The following TRAK1 variants were observed in gnomAD, a reference collection of about 807,000 sequenced individuals.
TRAK1 encodes trafficking kinesin protein 1.
In TRAK1, 33 loss-of-function variants were observed where a neutral mutation model predicts 92.1. That is an observed-to-expected ratio of 0.36 (90% CI 0.27 to 0.48). The LOEUF is 0.48. Ranked by LOEUF, TRAK1 falls within the 20% of genes least tolerant of loss-of-function variation. TRAK1 has a pLI of 0.99. For missense variants in TRAK1, 1,123 were observed against 1,257.9 expected (o/e 0.89, Z 1.62); for synonymous variants, 521 against 517.3 (o/e 1.01, Z -0.10).
At chr3:42,108,073 C>T (rs1404336039) in intron 1 of TRAK1, among the ~76,000 whole-genome samples, 1 of 152,110 alleles carries the variant, frequency 6.6e-6, no homozygotes, top group Non-Finnish European at 1.5e-5. Flanking sequence ...CTTGTAGTCT[C>T]ATTTTGCAGC....
rs773021871 is a variant in TRAK1 at position 42,194,920 on chromosome 3, C to G, written c.1092C>G (p.His364Gln). ...CCAATACCACGTCTCGGCGCTACCA[C>G]TCACTGGGCCTGTTTCCCATGGTGA... ...TMPNTTSRRY[H>Q]SLGLFPMDSL... The change falls in exon 10 of 16, where the codon CAC becomes CAG. Residue 364 changes from histidine to glutamine, a missense_variant. By Grantham distance (24) the His-to-Gln change is conservative. Transcript: ENST00000327628. The G allele has an allele frequency of 6.2e-7, 1 of 1,613,874 alleles. No individual in the cohort carries two copies. The highest frequency in any genetic ancestry group is 8.5e-7 in the Non-Finnish European group (1 of 1,179,896).
At chr3:42,170,872 G>A (rs1409022825) in intron 2 of TRAK1, among the ~76,000 whole-genome samples, 31 of 149,366 alleles carry the variant, frequency 2.1e-4, no homozygotes, top group African/African-American at 7.2e-4. Flanking sequence ...CGCCCAGGCT[G>A]GAGTGCAGTG....
chr3:42,097,371 A>G (rs911632931), intron 1 of TRAK1, among the ~76,000 whole-genome samples: 1 of 152,126 alleles, frequency 6.6e-6, no homozygotes, highest in African/African-American at 2.4e-5. Flanking sequence ...AGTGAGTCAT[A>G]GAGGTTGTAT....
chr3:42,092,924 A>G (rs1190337531), intron 1 of TRAK1, among the ~76,000 whole-genome samples: 3 of 152,136 alleles, frequency 2.0e-5, no homozygotes, highest in Admixed American at 6.5e-5. Flanking sequence ...TTAAGCCATA[A>G]AACTTGATGT....
At chr3:42,194,247 C>T (rs542854678) in intron 9 of TRAK1, among the ~76,000 whole-genome samples, 3 of 152,184 alleles carry the variant, frequency 2.0e-5, no homozygotes, top group Admixed American at 6.5e-5. Flanking sequence ...TTTTCTTTCT[C>T]TCTTTTTCTC....
chr3:42,149,765 G>T (rs1699748472), intron 2 of TRAK1, among the ~76,000 whole-genome samples: 1 of 152,120 alleles, frequency 6.6e-6, no homozygotes. Flanking sequence ...TGGAGGAGGT[G>T]GCAGGTGGGC....
At chr3:42,121,857 G>A (rs768732591) in intron 1 of TRAK1, among the ~76,000 whole-genome samples, 5 of 151,238 alleles carry the variant, frequency 3.3e-5, no homozygotes, top group South Asian at 2.1e-4. Flanking sequence ...TCGCTCTGTC[G>A]CCCAGGCTGG....
intron 15 of TRAK1, among the ~76,000 whole-genome samples, chr3:42,221,154 C>G (rs895059819): frequency 3.7e-5 from 4 of 107,184 alleles, no homozygotes; most frequent in African/African-American, 1.5e-4. Flanking sequence ...TTGAAACAAA[C>G]AAAATGGAAA....
chr3:42,188,283 C>A, intron 5 of TRAK1, 138 bp downstream of exon 5: 2 of 724,124 alleles, frequency 2.8e-6, no homozygotes, highest in Admixed American at 2.1e-5. Flanking sequence ...GACCAAACAC[C>A]TCCAAGTGCC....
chr3:42,164,197 A>C (rs576676383), intron 2 of TRAK1, among the ~76,000 whole-genome samples: 176 of 152,332 alleles, frequency 1.2e-3, no homozygotes, highest in African/African-American at 4.1e-3. Flanking sequence ...AGTAGTGAAA[A>C]TATGTGTGTG....
At chr3:42,057,115 A>C (rs6788529) in intron 1 of TRAK1, among the ~76,000 whole-genome samples, 3 of 152,082 alleles carry the variant, frequency 2.0e-5, no homozygotes, top group Admixed American at 2.0e-4. Context: ...GAACTAGGAC[A>C]CTGGTGCATT....
At chr3:42,059,454 G>C (rs188839264) in intron 1 of TRAK1, among the ~76,000 whole-genome samples, 6 of 152,236 alleles carry the variant, frequency 3.9e-5, no homozygotes, top group Non-Finnish European at 8.8e-5. Flanking sequence ...CTTTTTGATA[G>C]TCTTTATGAA....
At chr3:42,119,618 C>T (rs1022880450) in intron 1 of TRAK1, among the ~76,000 whole-genome samples, 1 of 152,324 alleles carries the variant, frequency 6.6e-6, no homozygotes, top group South Asian at 2.1e-4. Context: ...ATTTCCTGGG[C>T]ATTGCCTTTA....
intron 1 of TRAK1, among the ~76,000 whole-genome samples, chr3:42,123,290 C>G (rs1331026073): frequency 6.6e-6 from 1 of 152,226 alleles, no homozygotes; most frequent in Non-Finnish European, 1.5e-5. Flanking sequence ...CCATGTTCTA[C>G]CTGAGTGTGT....
chr3:42,223,105 T>C lies in TRAK1; in HGVS notation c.2230T>C (p.Leu744=). 6.2e-7 allele frequency: 1 copy of C among 1,614,056 alleles called. No individual in the cohort carries two copies. The highest frequency in any genetic ancestry group is 8.5e-7 in the Non-Finnish European group (1 of 1,180,018). ...MSTSLGLVWL[L]KERGISAAVY... ...CACATCCCTGGGGCTCGTGTGGCTGTTGAAGGAGCGGGGCATTTCTGCTGC... is the reference window on the plus strand; with the variant it reads ...CACATCCCTGGGGCTCGTGTGGCTGCTGAAGGAGCGGGGCATTTCTGCTGC... Residue 744 remains leucine, a synonymous_variant, in exon 16 of 16, where the codon TTG becomes CTG. Coordinates refer to ENST00000327628, the MANE Select transcript of TRAK1 (RefSeq NM_001042646.3). The surrounding 1 kb of genome is among the most constrained non-coding windows in gnomAD (Gnocchi z 6.1).
At chr3:42,098,092 C>T (rs1484836895) in intron 1 of TRAK1, among the ~76,000 whole-genome samples, 1 of 152,010 alleles carries the variant, frequency 6.6e-6, no homozygotes, top group African/African-American at 2.4e-5. Context: ...CCTCTCCCCT[C>T]CCCTCCTCCT....
chr3:42,059,925 T>C (rs1181295389), intron 1 of TRAK1, among the ~76,000 whole-genome samples: 1 of 150,432 alleles, frequency 6.6e-6, no homozygotes, highest in African/African-American at 2.4e-5. Flanking sequence ...GTGTGGACAA[T>C]GATACAATAA....
chr3:42,040,989 G>T (rs934538882), intron 1 of TRAK1, among the ~76,000 whole-genome samples: 1 of 151,864 alleles, frequency 6.6e-6, no homozygotes, highest in Non-Finnish European at 1.5e-5. Flanking sequence ...CACTGTGTTG[G>T]TTACTGTAAC....
chr3:42,152,680 G>A (rs763631934), intron 2 of TRAK1, among the ~76,000 whole-genome samples: 15 of 152,078 alleles, frequency 9.9e-5, no homozygotes, highest in East Asian at 1.9e-4. Context: ...GGTCAGTTTC[G>A]GGATCTTAGA....
Sources: gnomAD v4.1 joint callset for allele counts (sites outside exome capture counted in the v4.1 genomes callset) on GRCh38, gnomAD v4.1.1 for gene constraint, Gnocchi (gnomAD v3.1) non-coding constraint, MANE v1.5 for transcripts, NCBI Gene and HGNC (gene_info 2026-07-23, HGNC 2026-07-21) for gene names.